Variants in KIAA1549 observed in about 807,000 individuals in gnomAD.
The protein encoded by KIAA1549 is UPF0606 protein KIAA1549.
KIAA1549 carries 70 observed loss-of-function variants against 156.4 expected under a neutral mutation model. The observed-to-expected ratio is 0.45, with a 90% confidence interval of 0.37 to 0.55. KIAA1549 has a LOEUF of 0.55. Among genes scored for constraint, KIAA1549 ranks in the 20% least tolerant of loss-of-function variants. The pLI, the probability that KIAA1549 is intolerant of heterozygous loss-of-function variation, is 0.00. For synonymous variants in KIAA1549, 1,103 were observed against 1,066.4 expected (o/e 1.03, Z -0.67); for missense variants, 2,428 against 2,540.9 (o/e 0.96, Z 0.96).
chr7:138,899,244 T>G, intron 8 of KIAA1549, 112 bp from the exon 9 acceptor site: 1 of 918,436 alleles, frequency 1.1e-6, no homozygotes, highest in Non-Finnish European at 1.7e-6. Flanking sequence ...ATCCTCATAA[T>G]AAGCTCCGTA....
At chr7:138,951,128 CA>C (rs1228754138) in intron 1 of KIAA1549, among the ~76,000 whole-genome samples, 2 of 152,066 alleles carry the variant, frequency 1.3e-5, no homozygotes, top group Admixed American at 1.3e-4. Flanking sequence ...TGCAGTGGTG[CA>C]ATCTCGGCTC....
chr7:138,974,530 T>C (rs2130577061), intron 1 of KIAA1549, among the ~76,000 whole-genome samples: 1 of 152,140 alleles, frequency 6.6e-6, no homozygotes. Flanking sequence ...CCTCCCGGGT[T>C]CAAGCCTCAG....
intron 15 of KIAA1549, among the ~76,000 whole-genome samples, chr7:138,862,172 C>T (rs530517715): frequency 1.2e-4 from 18 of 152,082 alleles, no homozygotes; most frequent in African/African-American, 3.4e-4. Flanking sequence ...CTTAAAAGAT[C>T]AAAACTTTTA....
chr7:138,900,905 CT>C (rs1280578111), intron 8 of KIAA1549, among the ~76,000 whole-genome samples: 1 of 152,234 alleles, frequency 6.6e-6, no homozygotes, highest in Non-Finnish European at 1.5e-5. Flanking sequence ...AAATAAACCT[CT>C]TTTCTTTACA....
chr7:138,959,416 A>G (rs192348445), intron 1 of KIAA1549, among the ~76,000 whole-genome samples: 28 of 152,332 alleles, frequency 1.8e-4, no homozygotes, highest in African/African-American at 6.3e-4. Flanking sequence ...GGCTCCCATC[A>G]TTAGGAAAAG....
rs1205348316 is a variant in KIAA1549 at position 138,869,550 on chromosome 7, T to G, written c.4763A>C (p.Glu1588Ala). ...AGCCCCAGCCCACCTCTTCCTGGGC[T>G]CTATGAACACGGAGGGCACGCTGGC... Reference protein sequence around the residue: ...PTASVPSVFIEPRKSSRIKRS... With the variant: ...PTASVPSVFIAPRKSSRIKRS... Residue 1588 changes from glutamate to alanine, a missense_variant, in exon 14 of 20, where the codon GAG becomes GCG. Around this residue, in one of 5 missense-constraint regions of KIAA1549, gnomAD observed 404 missense variants for 417.0 expected, o/e 0.97. Transcript: ENST00000422774. The G allele has an allele frequency of 1.9e-6, 3 of 1,570,088 alleles. No homozygotes were observed. In the South Asian group the frequency reaches 3.5e-5, roughly 18 times the overall value.
Position 138,871,098 on chromosome 7 carries a change from T to C in KIAA1549, c.4551+59A>G. On this transcript the variant is annotated intron_variant, in intron 13 of 19. Transcript: ENST00000422774. ...CCCCCAAGTGCTGGGATTACAGGCA[T>C]AAGCCACCGGGCTTAGCCGAGTTTT... is the stretch of plus-strand genomic sequence containing the variant. 2.0e-6 allele frequency: 3 copies of C among 1,524,284 alleles called. No homozygotes were observed. The Admixed American group carries it at 5.6e-5, about 28-fold the overall frequency. The allele number at this position is 1,524,284 out of a possible 1,614,324, so 94.4% of individuals were successfully genotyped here.
In KIAA1549 at chr7:138,881,411, G is replaced by T. The variant is rs763029239; in HGVS notation, c.4206C>A (p.Ser1402=). Residue 1402 remains serine, a synonymous_variant, in exon 11 of 20, where the codon TCC becomes TCA. Coordinates refer to ENST00000422774, the MANE Select transcript of KIAA1549 (RefSeq NM_001164665.2). ...ACCTTCCTCTGTGACGAACATTCTT[G>T]GAAGGGATCTTTGACTTGGGGCTTG... ...DVPSPKSKIP[S]KNVRHRGRVS... 1 of 1,613,802 alleles carries T rather than the reference G, an allele frequency of 6.2e-7. No homozygotes were observed. The highest frequency in any genetic ancestry group is 8.5e-7 in the Non-Finnish European group (1 of 1,179,842).
chr7:138,883,116 A>AAAAAAAAAAC (rs1563061952), intron 10 of KIAA1549, among the ~76,000 whole-genome samples: 1 of 124,336 alleles, frequency 8.0e-6, no homozygotes, highest in African/African-American at 3.1e-5. Flanking sequence ...AAAAAAAAAA[A>AAAAAAAAAAC]ATTCAGCCAG....
chr7:138,930,005 C>A (rs545367701), intron 1 of KIAA1549, among the ~76,000 whole-genome samples: 1 of 152,154 alleles, frequency 6.6e-6, no homozygotes, highest in Non-Finnish European at 1.5e-5. Context: ...TATAGTAAGA[C>A]TTGAAAGTCA....
At position 138,918,128 on chromosome 7, in the gene KIAA1549, T is replaced by C; in HGVS notation, c.1498A>G (p.Ile500Val). The C allele has an allele frequency of 6.2e-7, 1 of 1,613,972 alleles. No individual in the cohort carries two copies. Among genetic ancestry groups the C allele is most frequent in the Non-Finnish European group, 8.5e-7 (1 of 1,179,896 alleles). ...IVPLSSRSME[I>V]SETSVGISAE... ...GAAATGCCAACACTCGTCTCTGAGATTTCCATGGATCTAGAAGAAAGTGGG... is the reference window on the plus strand; with the variant it reads ...GAAATGCCAACACTCGTCTCTGAGACTTCCATGGATCTAGAAGAAAGTGGG... Residue 500 changes from isoleucine (I) to valine (V), a missense_variant, in exon 2 of 20, where the codon ATC becomes GTC. By Grantham distance (29) the Ile-to-Val change is conservative (BLOSUM62 3). This residue lies in a region of KIAA1549 where 893 missense variants were observed against 847.9 expected (regional missense o/e 1.05). Transcript: ENST00000422774. This position sits in a 1 kb window ranked among gnomAD's most constrained non-coding sequence, Gnocchi z 4.2.
At chr7:138,915,482 A>G (rs116304217) in intron 2 of KIAA1549, among the ~76,000 whole-genome samples, 89 of 152,052 alleles carry the variant, frequency 5.9e-4, no homozygotes, top group African/African-American at 2.1e-3. Context: ...CTCATTCTCC[A>G]AAGCCATTCC....
chr7:138,939,116 T>G (rs1049375136), intron 1 of KIAA1549, among the ~76,000 whole-genome samples: 1 of 152,248 alleles, frequency 6.6e-6, no homozygotes, highest in Non-Finnish European at 1.5e-5. Context: ...CATAAACTTT[T>G]TTTTAAAACA....
chr7:138,933,612 A>G lies in KIAA1549; in HGVS notation c.188-14174T>C, dbSNP rs529028145. Among the ~76,000 whole-genome samples the G allele has an allele frequency of 5.9e-5, 9 of 152,370 alleles. No homozygotes were observed. In the South Asian group the frequency reaches 1.2e-3, roughly 21 times the overall value. On this transcript the variant is annotated intron_variant, in intron 1 of 19. Coordinates refer to ENST00000422774, the MANE Select transcript of KIAA1549 (RefSeq NM_001164665.2). Reference sequence around the variant, plus strand: ...CATGTAAGATGTTATTATTAGGGGAAGCTGAATGAAGGGTATATGGGAACT... The same window carrying G: ...CATGTAAGATGTTATTATTAGGGGAGGCTGAATGAAGGGTATATGGGAACT...
chr7:138,880,910 G>A (rs563544200), intron 11 of KIAA1549, among the ~76,000 whole-genome samples: 56 of 152,302 alleles, frequency 3.7e-4, no homozygotes, highest in African/African-American at 1.3e-3. Context: ...CAAAGCAAAC[G>A]CAGGAGGATG....
At chr7:138,859,008 A>AACACACAC (rs57352970) in intron 16 of KIAA1549, among the ~76,000 whole-genome samples, 1,922 of 142,322 alleles carry the variant, frequency 0.014, 14 homozygotes, top group Non-Finnish European at 0.017. Context: ...TCCATCTCAA[A>AACACACAC]ACACACACAC....
intron 1 of KIAA1549, among the ~76,000 whole-genome samples, chr7:138,933,368 C>T (rs58187014): frequency 0.26 from 39,473 of 152,088 alleles, 6,939 homozygotes; most frequent in African/African-American, 0.5. Context: ...GGATATTGTA[C>T]AAAAGACCTG....
intron 13 of KIAA1549, 42 bp from the exon 14 acceptor site, chr7:138,869,803 CG>C: frequency 6.8e-7 from 1 of 1,471,040 alleles, no homozygotes. Flanking sequence ...ATAGAGGTCC[CG>C]GGAAGCTTCT....
intron 1 of KIAA1549, among the ~76,000 whole-genome samples, chr7:138,944,185 T>G (rs1478855836): frequency 1.3e-5 from 2 of 152,034 alleles, no homozygotes; most frequent in African/African-American, 4.8e-5. Context: ...TTACTGCTCC[T>G]AAGTGAAATT....
Sources: allele counts gnomAD v4.1 joint callset (sites outside exome capture counted in the v4.1 genomes callset), GRCh38; gene constraint gnomAD v4.1.1; regional missense constraint gnomAD v4.1.1; non-coding constraint Gnocchi (gnomAD v3.1); transcripts MANE v1.5; gene names NCBI Gene and HGNC (gene_info 2026-07-23, HGNC 2026-07-21).